MYO5B: variants seen among roughly 807,000 people sequenced by gnomAD.
The protein encoded by MYO5B is unconventional myosin-Vb.
In MYO5B, 143 loss-of-function variants were observed where a neutral mutation model predicts 229.3. That is an observed-to-expected ratio of 0.62 (90% CI 0.54 to 0.72). MYO5B has a LOEUF of 0.72. Ranked by LOEUF, MYO5B falls within the 30% of genes least tolerant of loss-of-function variation. The probability of loss-of-function intolerance (pLI) is 0.00; values close to 1 mark genes in which losing one functional copy is unlikely to be tolerated. For synonymous variants in MYO5B, 918 were observed against 885.2 expected, an observed-to-expected ratio of 1.04 and a Z score of -0.66; for missense variants, 2,321 against 2,331.0, an observed-to-expected ratio of 1.00 and a Z score of 0.09.
At chr18:49,950,063 A>G (rs1024441300) in intron 14 of MYO5B, among the ~76,000 whole-genome samples, 14 of 152,184 alleles carry the variant, frequency 9.2e-5, no homozygotes, top group South Asian at 4.1e-4. Context: ...TACAGCAACA[A>G]TCTTTGCTTT....
intron 1 of MYO5B, among the ~76,000 whole-genome samples, chr18:50,155,902 C>T (rs1347186096): frequency 6.6e-6 from 1 of 152,180 alleles, no homozygotes; most frequent in Non-Finnish European, 1.5e-5. Flanking sequence ...AACTTCAAGT[C>T]CTTTAACACT....
At chr18:50,156,339 TC>T (rs1019084732) in intron 1 of MYO5B, among the ~76,000 whole-genome samples, 2 of 152,188 alleles carry the variant, frequency 1.3e-5, no homozygotes, top group East Asian at 1.9e-4. Flanking sequence ...GTTCCCATAA[TC>T]CCCCCGTGTT....
chr18:50,019,592 C>G (rs1400519100), intron 4 of MYO5B, among the ~76,000 whole-genome samples: 2 of 152,184 alleles, frequency 1.3e-5, no homozygotes, highest in African/African-American at 4.8e-5. Flanking sequence ...TTGGCCAAGG[C>G]CATGAGGAGG....
At position 49,962,376 on chromosome 18, in the gene MYO5B, T is replaced by C. The variant is rs778573108; in HGVS notation, c.1435A>G (p.Met479Val). 1 of 1,614,172 alleles carries C rather than the reference T, an allele frequency of 6.2e-7. No homozygotes were observed. The highest frequency in any genetic ancestry group is 1.7e-5 in the Admixed American group (1 of 60,024). ...AGGGTCCAAGGGATCTGTTCCTTCA[T>C]GTATTCTTCTTGCTCCAGTTTGAAA... ...HVFKLEQEEY[M>V]KEQIPWTLID... The change falls in exon 12 of 40, where the codon ATG becomes GTG. Residue 479 changes from methionine (M) to valine (V), a missense_variant. Coordinates refer to ENST00000285039, the MANE Select transcript of MYO5B (RefSeq NM_001080467.3).
At chr18:50,158,598 A>G (rs2032717792) in intron 1 of MYO5B, among the ~76,000 whole-genome samples, 1 of 152,228 alleles carries the variant, frequency 6.6e-6, no homozygotes, top group Non-Finnish European at 1.5e-5. Flanking sequence ...TACTGTGGAA[A>G]GGACCTGAGA....
At chr18:49,931,348 G>T (rs532099492) in intron 16 of MYO5B, among the ~76,000 whole-genome samples, 1 of 152,194 alleles carries the variant, frequency 6.6e-6, no homozygotes, top group South Asian at 2.1e-4. Flanking sequence ...TGGCTTCATT[G>T]CTCCCCTCTG....
At chr18:49,920,817 T>C (rs2025065654) in intron 17 of MYO5B, among the ~76,000 whole-genome samples, 1 of 152,108 alleles carries the variant, frequency 6.6e-6, no homozygotes, top group African/African-American at 2.4e-5. Context: ...ACTTAATAGG[T>C]CTGAGGGGGC....
intron 1 of MYO5B, among the ~76,000 whole-genome samples, chr18:50,194,299 T>A (rs1333475099): frequency 6.6e-6 from 1 of 152,228 alleles, no homozygotes; most frequent in East Asian, 1.9e-4. Context: ...AAAGGACGCC[T>A]CGGAGGCGCG....
At chr18:49,899,626 T>A (rs1025376006) in intron 21 of MYO5B, among the ~76,000 whole-genome samples, 1 of 152,262 alleles carries the variant, frequency 6.6e-6, no homozygotes, top group African/African-American at 2.4e-5. Context: ...ACTAGCTGTG[T>A]GACCTCAGTC....
At chr18:50,133,602 G>C (rs1011812794) in intron 1 of MYO5B, among the ~76,000 whole-genome samples, 3 of 152,188 alleles carry the variant, frequency 2.0e-5, no homozygotes, top group Non-Finnish European at 2.9e-5. Context: ...CCGTCTGTCT[G>C]TCTGTCCCCC....
chr18:49,930,066 T>A (rs1425009758), intron 16 of MYO5B, among the ~76,000 whole-genome samples: 1 of 152,194 alleles, frequency 6.6e-6, no homozygotes, highest in African/African-American at 2.4e-5. Flanking sequence ...AATCATGACA[T>A]GGTCACTTAC....
intron 1 of MYO5B, among the ~76,000 whole-genome samples, chr18:50,134,554 CAATAAATAAATAAATAAATAAATA>C (rs57536679): frequency 1.5e-4 from 21 of 141,412 alleles, no homozygotes; most frequent in African/African-American, 1.9e-4. Flanking sequence ...GACTCCATCT[CAATAAATAAATAAATAAATAAATA>C]AATAAATAAA....
chr18:49,841,579 A>G (rs886146752), intron 34 of MYO5B, 125 bp from the exon 35 acceptor site: 2 of 868,126 alleles, frequency 2.3e-6, no homozygotes, highest in Admixed American at 1.9e-5. Flanking sequence ...GAGGCTGGGC[A>G]GGGCACTTGC....
At chr18:49,929,396 G>T (rs2025164108) in intron 17 of MYO5B, 116 bp downstream of exon 17, 2 of 800,098 alleles carry the variant, frequency 2.5e-6, no homozygotes, top group South Asian at 3.2e-5. Context: ...TCAATGTTTG[G>T]GAACCGTTTT....
chr18:50,075,109 T>C (rs2031048855), intron 1 of MYO5B, among the ~76,000 whole-genome samples: 1 of 152,194 alleles, frequency 6.6e-6, no homozygotes, highest in Admixed American at 6.5e-5. Flanking sequence ...AGACCTGTTT[T>C]TCTCAGTTAC....
intron 4 of MYO5B, among the ~76,000 whole-genome samples, chr18:50,006,387 G>A (rs11082798): frequency 0.97 from 147,729 of 152,312 alleles, 71,795 homozygotes; most frequent in East Asian, 1. Flanking sequence ...CATGTAGAGG[G>A]AGTAAACCAT....
intron 1 of MYO5B, among the ~76,000 whole-genome samples, chr18:50,102,426 G>A (rs1366532193): frequency 6.6e-6 from 1 of 152,094 alleles, no homozygotes; most frequent in Non-Finnish European, 1.5e-5. Context: ...GGAACTCACA[G>A]CAGGAATACG....
chr18:49,859,991 C>T (rs1048254823), intron 29 of MYO5B, among the ~76,000 whole-genome samples: 15 of 151,948 alleles, frequency 9.9e-5, no homozygotes, highest in Non-Finnish European at 1.9e-4. Flanking sequence ...TGGCGGGGGG[C>T]GGCGGGTGTG....
At chr18:50,090,071 C>A (rs1301145525) in intron 1 of MYO5B, among the ~76,000 whole-genome samples, 1 of 152,150 alleles carries the variant, frequency 6.6e-6, no homozygotes, top group Non-Finnish European at 1.5e-5. Context: ...GCTTTGGAGC[C>A]CCACTCCCTT....
Sources: allele counts gnomAD v4.1 joint callset (sites outside exome capture counted in the v4.1 genomes callset), GRCh38; gene constraint gnomAD v4.1.1; transcripts MANE v1.5; gene names NCBI Gene and HGNC (gene_info 2026-07-23, HGNC 2026-07-21).